TENM2: variants seen among roughly 807,000 people sequenced by gnomAD.
TENM2 encodes the protein teneurin transmembrane protein 2.
TENM2 carries 52 observed loss-of-function variants against 245.2 expected under a neutral mutation model. The observed-to-expected ratio is 0.21, with a 90% CI of 0.17 to 0.27. The LOEUF is 0.27. Ranked by LOEUF, TENM2 falls within the 10% of genes least tolerant of loss-of-function variation. The probability of loss-of-function intolerance (pLI) is 1.00; values close to 1 mark genes in which losing one functional copy is unlikely to be tolerated. For missense variants in TENM2, 3,046 were observed against 3,666.8 expected, an observed-to-expected ratio of 0.83 and a Z score of 4.37; for synonymous variants, 1,363 against 1,438.9, an observed-to-expected ratio of 0.95 and a Z score of 1.19.
chr5:167,840,896 G>C (rs538034389), intron 2 of TENM2, among the ~76,000 whole-genome samples: 285 of 152,290 alleles, frequency 1.9e-3, no homozygotes, highest in African/African-American at 6.0e-3. Flanking sequence ...CCCTCCGTTT[G>C]TGGGGTAATT....
At chr5:167,583,473 T>TACACACACACACAC (rs10682735) in intron 2 of TENM2, among the ~76,000 whole-genome samples, 1,678 of 137,500 alleles carry the variant, frequency 0.012, 30 homozygotes, top group African/African-American at 0.034. Context: ...TGAGTATATG[T>TACACACACACACAC]ACACACACAC....
intron 1 of TENM2, among the ~76,000 whole-genome samples, chr5:167,355,824 G>A (rs1299715763): frequency 1.3e-5 from 2 of 150,728 alleles, no homozygotes; most frequent in Non-Finnish European, 2.9e-5. Context: ...GCTGAGAAAA[G>A]TTGGCATTTT....
intron 12 of TENM2, among the ~76,000 whole-genome samples, chr5:168,131,579 A>G (rs1321717404): frequency 6.6e-6 from 1 of 152,220 alleles, no homozygotes; most frequent in Non-Finnish European, 1.5e-5. Flanking sequence ...AGTGATTGTC[A>G]TCAGAAGTAG....
At chr5:168,126,789 T>C in exon 12 of TENM2, 1 of 1,613,162 alleles carries the variant, frequency 6.2e-7, no homozygotes, top group Non-Finnish European at 8.5e-7. Context: ...TCACGGCGTC[T>C]GCATCGGGGG....
intron 2 of TENM2, among the ~76,000 whole-genome samples, chr5:167,452,445 T>C (rs899870396): frequency 6.6e-6 from 1 of 152,290 alleles, no homozygotes; most frequent in East Asian, 1.9e-4. Context: ...AGAGGAAAGA[T>C]GTGGGTTTCC....
chr5:167,098,380 G>T, the TENM2 span, among the ~76,000 whole-genome samples: 1 of 152,134 alleles, frequency 6.6e-6, no homozygotes, highest in African/African-American at 2.4e-5. Flanking sequence ...GCTTTTGAGT[G>T]GTCAGCAAGT....
rs55880950 is a variant in TENM2 at position 168,024,996 on chromosome 5, G to T, written c.1187-22431G>T. 1.5e-3 allele frequency among the ~76,000 whole-genome samples: 227 copies of T among 152,286 alleles called. 1 individual carries two copies. The highest frequency in any genetic ancestry group is 5.1e-3 in the African/African-American group (212 of 41,560). On this transcript the variant is annotated intron_variant, in intron 5 of 28. Coordinates refer to ENST00000518659, the Ensembl canonical transcript of TENM2. Reference sequence around the variant, plus strand: ...CTCTGTGCTAAACTCCAGCATCCAGGTGCTTATCAGGTCATTTGATTTCAG... The same window carrying T: ...CTCTGTGCTAAACTCCAGCATCCAGTTGCTTATCAGGTCATTTGATTTCAG...
chr5:168,029,151 G>A (rs1042882108), intron 5 of TENM2, among the ~76,000 whole-genome samples: 16 of 152,178 alleles, frequency 1.1e-4, no homozygotes, highest in Non-Finnish European at 1.5e-5. Context: ...TCACATGGTG[G>A]AAGAGACTAT....
intron 2 of TENM2, among the ~76,000 whole-genome samples, chr5:167,663,484 G>A (rs1252730981): frequency 6.6e-6 from 1 of 152,004 alleles, no homozygotes; most frequent in Non-Finnish European, 1.5e-5. Context: ...TTAAATTTCT[G>A]CTCAGTACTA....
chr5:168,098,621 G>A (rs945717523), intron 9 of TENM2, among the ~76,000 whole-genome samples: 5 of 152,108 alleles, frequency 3.3e-5, no homozygotes, highest in Non-Finnish European at 7.4e-5. Context: ...AGATTCTTGG[G>A]GGAAAGGTAA....
intron 2 of TENM2, among the ~76,000 whole-genome samples, chr5:167,837,485 G>T (rs1769106623): frequency 6.6e-6 from 1 of 152,098 alleles, no homozygotes; most frequent in Admixed American, 6.6e-5. Flanking sequence ...TAAAATGTTG[G>T]TTTCATTACT....
At chr5:167,341,508 T>C (rs1011780801) in intron 1 of TENM2, among the ~76,000 whole-genome samples, 92 of 152,228 alleles carry the variant, frequency 6.0e-4, no homozygotes, top group African/African-American at 2.1e-3. Context: ...TATGCTTTCA[T>C]TTTTCTCTGA....
chr5:167,396,644 GT>G (rs1390503252), intron 2 of TENM2, among the ~76,000 whole-genome samples: 1 of 152,140 alleles, frequency 6.6e-6, no homozygotes, highest in East Asian at 1.9e-4. Context: ...TTCAGTGCCA[GT>G]GGCATGAGGG....
intron 1 of TENM2, among the ~76,000 whole-genome samples, chr5:167,348,220 AATAC>A (rs1340043368): frequency 1.3e-5 from 2 of 152,230 alleles, no homozygotes; most frequent in Non-Finnish European, 2.9e-5. Context: ...CAAACTTAAT[AATAC>A]ATAACGAATT....
upstream of TENM2, among the ~76,000 whole-genome samples, chr5:167,279,985 G>A (rs1770954975): frequency 6.6e-6 from 1 of 152,138 alleles, no homozygotes; most frequent in African/African-American, 2.4e-5. Flanking sequence ...GGACATTTGG[G>A]ATATCATGTT....
chr5:167,837,949 A>G (rs1769157220), intron 2 of TENM2, among the ~76,000 whole-genome samples: 1 of 152,108 alleles, frequency 6.6e-6, no homozygotes. Context: ...GGGCCCCTTC[A>G]TCCTCCTTTT....
At chr5:167,459,830 A>G (rs1018128545) in intron 2 of TENM2, among the ~76,000 whole-genome samples, 2 of 152,192 alleles carry the variant, frequency 1.3e-5, no homozygotes, top group Non-Finnish European at 2.9e-5. Flanking sequence ...ATATTTGCTT[A>G]CTTCTTATTT....
the TENM2 span, among the ~76,000 whole-genome samples, chr5:167,248,112 A>T: frequency 6.6e-6 from 1 of 152,166 alleles, no homozygotes; most frequent in Non-Finnish European, 1.5e-5. Flanking sequence ...TCACTTCAGA[A>T]ATGTTGTAGA....
intron 9 of TENM2, among the ~76,000 whole-genome samples, chr5:168,116,288 T>C (rs1795077873): frequency 6.6e-6 from 1 of 152,164 alleles, no homozygotes; most frequent in African/African-American, 2.4e-5. Flanking sequence ...TCTCCTCTGG[T>C]AAATTCATAA....
Sources: gnomAD v4.1 joint callset for allele counts (sites outside exome capture counted in the v4.1 genomes callset) on GRCh38, gnomAD v4.1.1 for gene constraint, MANE v1.5 for transcripts, NCBI Gene and HGNC (gene_info 2026-07-23, HGNC 2026-07-21) for gene names.